SOCS6: variants seen among roughly 807,000 people sequenced by gnomAD.
SOCS6 encodes STAT induced STAT inhibitor-4.
A neutral mutation model predicts 27.7 loss-of-function variants in SOCS6; 5 were observed. That is an observed-to-expected ratio of 0.18 (90% CI 0.09 to 0.38). The LOEUF is 0.38. SOCS6 is among the 10% of genes least tolerant of loss of function. The pLI, the probability that SOCS6 is intolerant of heterozygous loss-of-function variation, is 1.00. For missense variants in SOCS6, 595 were observed against 688.1 expected (o/e 0.86, Z 1.51); for synonymous variants, 271 against 260.0 (o/e 1.04, Z -0.41).
chr18:70,293,363 C>T (rs1028838320), intron 1 of SOCS6, among the ~76,000 whole-genome samples: 1 of 152,132 alleles, frequency 6.6e-6, no homozygotes, highest in African/African-American at 2.4e-5. Flanking sequence ...AGACAACTGT[C>T]ACTGCCTGTA....
intron 1 of SOCS6, among the ~76,000 whole-genome samples, chr18:70,318,382 A>G (rs1043035460): frequency 6.6e-6 from 1 of 152,160 alleles, no homozygotes; most frequent in Non-Finnish European, 1.5e-5. Context: ...AGCATCACCC[A>G]TGCCCGGGAG....
chr18:70,290,402 T>C (rs1290107079), intron 1 of SOCS6, among the ~76,000 whole-genome samples: 1 of 152,262 alleles, frequency 6.6e-6, no homozygotes, highest in African/African-American at 2.4e-5. Flanking sequence ...TTGTAATATT[T>C]AATGCTGTGG....
intron 1 of SOCS6, among the ~76,000 whole-genome samples, chr18:70,313,811 C>G (rs1321004958): frequency 1.3e-5 from 2 of 152,150 alleles, no homozygotes; most frequent in Non-Finnish European, 2.9e-5. Flanking sequence ...GAATTTTTCT[C>G]TTTTCGTTGT....
rs2062413012 is a variant in SOCS6, at chr18:70,316,726, G to A, written c.-126-7817G>A. On this transcript the variant is annotated intron_variant, in intron 1 of 1. Transcript: ENST00000397942. ...TCTTTTTTTTCTTCAAAATTTTTCA[G>A]AATTGAATTTTTCAGTTAATTGAAA... 3.3e-5 allele frequency among the ~76,000 whole-genome samples: 5 copies of A among 151,734 alleles called. No homozygotes were observed. The South Asian group carries it at 1.0e-3, about 32-fold the overall frequency.
At chr18:70,291,904 A>C (rs1361731351) in intron 1 of SOCS6, among the ~76,000 whole-genome samples, 2 of 152,208 alleles carry the variant, frequency 1.3e-5, no homozygotes, top group African/African-American at 4.8e-5. Context: ...TTCAGCTGTT[A>C]AAAGAGGAAC....
chr18:70,306,032 G>GT (rs1374210806), intron 1 of SOCS6, among the ~76,000 whole-genome samples: 1 of 152,104 alleles, frequency 6.6e-6, no homozygotes, highest in Non-Finnish European at 1.5e-5. Context: ...GAGCCTAGGA[G>GT]TTTAAGACCA....
rs1400753098 is a variant in SOCS6 at position 70,324,894 on chromosome 18, A to G, written c.226A>G (p.Thr76Ala). 1 of 1,614,204 alleles carries G rather than the reference A, an allele frequency of 6.2e-7. No homozygotes were observed. Among genetic ancestry groups the G allele is most frequent in the Non-Finnish European group, 8.5e-7 (1 of 1,180,030 alleles). Residue 76 changes from threonine to alanine, a missense_variant, in exon 2 of 2, where the codon ACG becomes GCG. Thr to Ala is a moderately conservative substitution (Grantham distance 58, BLOSUM62 0). Coordinates refer to ENST00000397942, the MANE Select transcript of SOCS6 (RefSeq NM_004232.4). ...NRSKSESLMG[T>A]LKRRLSAKQK... The stretch of plus-strand genomic sequence containing the variant: ...ATCAAAAAGCGAGAGCCTGATGGGT[A>G]CGCTAAAAAGGCGGCTTTCTGCAAA...
intron 1 of SOCS6, among the ~76,000 whole-genome samples, chr18:70,289,586 C>T (rs1021547105): frequency 3.4e-5 from 5 of 145,418 alleles, no homozygotes; most frequent in Non-Finnish European, 6.1e-5. Context: ...CCTCGGACCT[C>T]CGCGGGCTCG....
chr18:70,320,046 C>T (rs1011405764), intron 1 of SOCS6, among the ~76,000 whole-genome samples: 1 of 151,640 alleles, frequency 6.6e-6, no homozygotes, highest in African/African-American at 2.4e-5. Context: ...GGCTGGAGTG[C>T]AGTGGTGTGA....
At chr18:70,306,260 G>A (rs2062368692) in intron 1 of SOCS6, among the ~76,000 whole-genome samples, 1 of 151,270 alleles carries the variant, frequency 6.6e-6, no homozygotes, top group South Asian at 2.1e-4. Context: ...GGATCACGAG[G>A]TCAGGAGATC....
chr18:70,299,969 T>G (rs797007854), intron 1 of SOCS6, among the ~76,000 whole-genome samples: 1 of 152,332 alleles, frequency 6.6e-6, no homozygotes, highest in African/African-American at 2.4e-5. Flanking sequence ...TCATAGCTTC[T>G]GTTATTCCTG....
intron 1 of SOCS6, among the ~76,000 whole-genome samples, chr18:70,289,473 C>T (rs2062288526): frequency 1.4e-5 from 2 of 147,344 alleles, no homozygotes; most frequent in South Asian, 4.2e-4. Context: ...CGGCCTGGGC[C>T]GCCGCCTTTG....
At chr18:70,305,701 C>T (rs369492756) in intron 1 of SOCS6, among the ~76,000 whole-genome samples, 61 of 152,254 alleles carry the variant, frequency 4.0e-4, no homozygotes, top group African/African-American at 1.4e-3. Flanking sequence ...CATGGAATCT[C>T]TAATTATTTA....
In SOCS6 at chr18:70,327,826, A is replaced by T. The variant is rs1911268515; in HGVS notation, c.*1550A>T. The stretch of plus-strand genomic sequence containing the variant: ...AAGGAAGAGATAGGAAAAGTCTCTT[A>T]CCCACTTTAAACATGAGGGTAAAGG... On this transcript the variant is annotated 3_prime_UTR_variant, in exon 2 of 2. Transcript: ENST00000397942. The T allele has an allele frequency of 6.0e-6, 1 of 166,712 alleles. No homozygotes were observed. Among genetic ancestry groups the T allele is most frequent in the African/African-American group, 2.4e-5 (1 of 41,428 alleles). The allele number at this position is 166,712 out of a possible 1,614,324, so 10.3% of individuals were successfully genotyped here. A position where few individuals can be genotyped will look rare whatever the true frequency, so the allele number is the denominator to read the frequency against.
intron 1 of SOCS6, among the ~76,000 whole-genome samples, chr18:70,306,240 C>T (rs552038131): frequency 1.9e-4 from 28 of 150,308 alleles, no homozygotes; most frequent in Non-Finnish European, 3.3e-4. Flanking sequence ...AAAAAGCAGC[C>T]GAAGTGGGTG....
At chr18:70,324,487 A>G in intron 1 of SOCS6, 56 bp from the exon 2 acceptor site, 1 of 507,628 alleles carries the variant, frequency 2.0e-6, no homozygotes, top group East Asian at 3.4e-5. Context: ...TGACTAAAAC[A>G]AAACTTTTGT....
intron 1 of SOCS6, among the ~76,000 whole-genome samples, chr18:70,304,709 A>G (rs2062361844): frequency 1.3e-5 from 2 of 152,248 alleles, no homozygotes; most frequent in African/African-American, 2.4e-5. Context: ...CTTAGAAGAT[A>G]TGATACACAG....
Position 70,329,331 on chromosome 18 carries a change from C to G in SOCS6, c.*3055C>G, listed in dbSNP as rs990342570. The G allele has an allele frequency of 6.0e-6, 1 of 166,938 alleles. No homozygotes were observed. The highest frequency in any genetic ancestry group is 1.5e-5 in the Non-Finnish European group (1 of 68,068). The allele number at this position is 166,938 out of a possible 1,614,324, so 10.3% of individuals were successfully genotyped here. A position where few individuals can be genotyped will look rare whatever the true frequency, so the allele number is the denominator to read the frequency against. On this transcript the variant is annotated 3_prime_UTR_variant, in exon 2 of 2. Coordinates refer to ENST00000397942, the MANE Select transcript of SOCS6 (RefSeq NM_004232.4). ...CATCTTGCTGTTGAAGAAAACAGTTCCAAAAGGCTAAATCATTGGCATAAA... is the reference window on the plus strand; with the variant it reads ...CATCTTGCTGTTGAAGAAAACAGTTGCAAAAGGCTAAATCATTGGCATAAA...
intron 1 of SOCS6, among the ~76,000 whole-genome samples, chr18:70,307,323 G>A (rs1392389014): frequency 6.6e-6 from 1 of 152,180 alleles, no homozygotes; most frequent in African/African-American, 2.4e-5. Flanking sequence ...TAGTTTTCTT[G>A]TGATGTCTTT....
Sources: allele counts gnomAD v4.1 joint callset (sites outside exome capture counted in the v4.1 genomes callset), GRCh38; gene constraint gnomAD v4.1.1; transcripts MANE v1.5; gene names NCBI Gene and HGNC (gene_info 2026-07-23, HGNC 2026-07-21).